Variants in ROBO2 observed in about 807,000 individuals in gnomAD.
ROBO2 encodes the protein roundabout guidance receptor 2.
A neutral mutation model predicts 160.8 loss-of-function variants in ROBO2; 53 were observed. The observed-to-expected ratio is 0.33, with a 90% confidence interval of 0.26 to 0.41. ROBO2 has a LOEUF of 0.41. Ranked by LOEUF, ROBO2 falls within the 10% of genes least tolerant of loss-of-function variation. ROBO2 has a pLI of 1.00. For missense variants in ROBO2, 1,577 were observed against 1,722.4 expected (o/e 0.92, Z 1.49); for synonymous variants, 664 against 611.7 (o/e 1.09, Z -1.26).
At chr3:76,338,810 A>G (rs1260276386) in intron 2 of ROBO2, among the ~76,000 whole-genome samples, 3 of 151,618 alleles carry the variant, frequency 2.0e-5, no homozygotes, top group Non-Finnish European at 2.9e-5. Flanking sequence ...GAAATTGACA[A>G]TGAAGTTGAA....
chr3:76,032,521 G>A (rs1381139660), intron 2 of ROBO2, among the ~76,000 whole-genome samples: 1 of 152,172 alleles, frequency 6.6e-6, no homozygotes, highest in Non-Finnish European at 1.5e-5. Context: ...TCTACGCACT[G>A]CTTTAAGTGT....
chr3:77,358,865 A>G (rs1233326720), intron 2 of ROBO2, among the ~76,000 whole-genome samples: 1 of 152,200 alleles, frequency 6.6e-6, no homozygotes, highest in Non-Finnish European at 1.5e-5. Context: ...TTGTTGAATA[A>G]ATGACCTTTT....
At chr3:76,610,337 C>T (rs1236923449) in intron 2 of ROBO2, among the ~76,000 whole-genome samples, 2 of 152,172 alleles carry the variant, frequency 1.3e-5, no homozygotes, top group East Asian at 3.9e-4. Flanking sequence ...CTCAGCCAGG[C>T]AGGCCTCTCT....
At chr3:77,291,367 T>G (rs1560447858) in intron 2 of ROBO2, among the ~76,000 whole-genome samples, 1 of 149,934 alleles carries the variant, frequency 6.7e-6, no homozygotes, top group East Asian at 2.0e-4. Context: ...GTTAAATGGG[T>G]AAGCTGAGGC....
chr3:76,524,826 T>TA (rs58091252), intron 2 of ROBO2, among the ~76,000 whole-genome samples: 17 of 21,738 alleles, frequency 7.8e-4, no homozygotes, highest in South Asian at 4.8e-3. Flanking sequence ...CTCTTATTCC[T>TA]AAAAAAAAAA....
intron 2 of ROBO2, among the ~76,000 whole-genome samples, chr3:77,290,981 T>C (rs1391391981): frequency 7.3e-6 from 1 of 137,516 alleles, no homozygotes; most frequent in African/African-American, 2.6e-5. Context: ...TAAAGTAAAA[T>C]TGACGGTTAA....
rs534861412 is a variant in ROBO2 at position 76,439,195 on chromosome 3, G to A, written c.109+501593G>A. On this transcript the variant is annotated intron_variant, in intron 2 of 26. Transcript: ENST00000487694. ...ACTGCATGACAAGTACTATGCGAGG[G>A]TCTAGGCAATTGTGAATCAAAAGAA... Among the ~76,000 whole-genome samples the A allele has an allele frequency of 2.8e-4, 43 of 152,240 alleles. 1 individual carries two copies. The South Asian group carries it at 8.5e-3, about 30-fold the overall frequency.
At chr3:76,274,170 A>G (rs1177195733) in intron 2 of ROBO2, among the ~76,000 whole-genome samples, 2 of 152,226 alleles carry the variant, frequency 1.3e-5, no homozygotes, top group African/African-American at 2.4e-5. Context: ...CATAGCTAAC[A>G]TTAACATAGA....
rs527755720 is a variant in ROBO2 at position 76,057,197 on chromosome 3, C to T, written c.109+119595C>T. 7.2e-5 allele frequency among the ~76,000 whole-genome samples: 11 copies of T among 152,164 alleles called. No individual in the cohort carries two copies. The South Asian group carries it at 1.2e-3, about 17-fold the overall frequency. On this transcript the variant is annotated intron_variant, in intron 2 of 26. Transcript: ENST00000487694. ...GCTTCAATCTGATACTAGGCGTATG[C>T]GGGCTTATTCAAATATGTGCCACCC... is the stretch of plus-strand genomic sequence containing the variant.
chr3:77,007,651 A>T (rs568942451), intron 2 of ROBO2, among the ~76,000 whole-genome samples: 1 of 152,244 alleles, frequency 6.6e-6, no homozygotes, highest in Non-Finnish European at 1.5e-5. Context: ...AGCATCCTAT[A>T]CTATGCATAT....
intron 2 of ROBO2, among the ~76,000 whole-genome samples, chr3:76,120,835 G>C (rs1576942264): frequency 6.6e-6 from 1 of 152,104 alleles, no homozygotes; most frequent in Non-Finnish European, 1.5e-5. Context: ...CTCCTAAGCT[G>C]TGTAAGGTAT....
At chr3:76,709,401 G>T (rs1053738417) in intron 2 of ROBO2, among the ~76,000 whole-genome samples, 1 of 152,158 alleles carries the variant, frequency 6.6e-6, no homozygotes, top group Non-Finnish European at 1.5e-5. Context: ...AGGAAGAAAG[G>T]GTAGGGATTT....
At chr3:76,256,692 CAT>C (rs2107577557) in intron 2 of ROBO2, among the ~76,000 whole-genome samples, 1 of 151,970 alleles carries the variant, frequency 6.6e-6, no homozygotes, top group East Asian at 1.9e-4. Flanking sequence ...GGTTGGGTGA[CAT>C]AGTAAAGTTA....
chr3:77,346,476 T>TATC (rs149980687), intron 2 of ROBO2, among the ~76,000 whole-genome samples: 22,896 of 152,124 alleles, frequency 0.15, 2,025 homozygotes, highest in Middle Eastern at 0.23. Context: ...TTTAGTAAAC[T>TATC]ATCACTGTGT....
rs539693995 is a variant in ROBO2, at chr3:76,252,670, ATG to A, written c.109+315070_109+315071del. On this transcript the variant is annotated intron_variant, in intron 2 of 26. Transcript: ENST00000487694. ...ATGTTGTTGCTAATGAGAAGCATAT[ATG>A]TATATATACACAAATACCTATACAA... Among the ~76,000 whole-genome samples, 22 of 152,060 alleles carry A rather than the reference ATG, an allele frequency of 1.4e-4. No individual in the cohort carries two copies. In the South Asian group the frequency reaches 4.4e-3, roughly 30 times the overall value.
intron 2 of ROBO2, among the ~76,000 whole-genome samples, chr3:76,662,745 A>G (rs1289530496): frequency 6.6e-6 from 1 of 152,186 alleles, no homozygotes; most frequent in Non-Finnish European, 1.5e-5. Context: ...TGTCAGGAAC[A>G]GGGGACAGTC....
chr3:77,250,988 G>C (rs4684033), intron 2 of ROBO2, among the ~76,000 whole-genome samples: 141,803 of 152,086 alleles, frequency 0.93, 66,935 homozygotes, highest in East Asian at 1. Context: ...TTTCACCCCT[G>C]GCTCTCCAGG....
intron 2 of ROBO2, among the ~76,000 whole-genome samples, chr3:76,744,506 T>C (rs1445058195): frequency 2.6e-5 from 4 of 152,026 alleles, no homozygotes; most frequent in Non-Finnish European, 5.9e-5. Flanking sequence ...GCTACAGGCA[T>C]GCACTACCAT....
At chr3:75,948,370 G>A (rs1948401708) in intron 2 of ROBO2, among the ~76,000 whole-genome samples, 1 of 152,082 alleles carries the variant, frequency 6.6e-6, no homozygotes, top group Non-Finnish European at 1.5e-5. Flanking sequence ...CTGATGAGGA[G>A]AATGCTAATC....
Sources: allele counts gnomAD v4.1 joint callset (sites outside exome capture counted in the v4.1 genomes callset), GRCh38; gene constraint gnomAD v4.1.1; transcripts MANE v1.5; gene names NCBI Gene and HGNC (gene_info 2026-07-23, HGNC 2026-07-21).